Variants in KIF3A observed in about 807,000 individuals in gnomAD.
The protein encoded by KIF3A is kinesin family member 3A.
KIF3A carries 27 observed loss-of-function variants against 92.6 expected under a neutral mutation model. The ratio of observed to expected loss-of-function variants is 0.29; its 90% confidence interval spans 0.21 to 0.40. The LOEUF (loss-of-function observed/expected upper bound fraction) is 0.40, where lower values mean the gene tolerates loss of function less well. Among genes scored for constraint, KIF3A ranks in the 10% least tolerant of loss-of-function variants. The pLI is 1.00. For synonymous variants in KIF3A, 250 were observed against 275.4 expected, an observed-to-expected ratio of 0.91 and a Z score of 0.92; for missense variants, 581 against 872.6, an observed-to-expected ratio of 0.67 and a Z score of 4.21.
At chr5:132,721,571 T>A (rs1753825634) in intron 4 of KIF3A, 1 of 152,190 alleles carries the variant, frequency 6.6e-6, no homozygotes, top group Admixed American at 6.5e-5. Flanking sequence ...GTTATAAAGG[T>A]AGACACTCAA....
At chr5:132,715,723 C>A (rs1415113542) in intron 8 of KIF3A, 34 bp downstream of exon 8, 1 of 1,524,132 alleles carries the variant, frequency 6.6e-7, no homozygotes, top group Non-Finnish European at 9.0e-7. Context: ...TATTTTTAGC[C>A]AACATAAAGA....
chr5:132,713,954 T>C (rs1426810946), intron 8 of KIF3A, among the ~76,000 whole-genome samples: 1 of 139,260 alleles, frequency 7.2e-6, no homozygotes, highest in African/African-American at 2.7e-5. Context: ...TGGAGTGCAG[T>C]GGCATAATCT....
rs1315419771 is a variant in KIF3A, at chr5:132,702,096, C to T, written c.1875G>A (p.Arg625=). 6.2e-7 allele frequency: 1 copy of T among 1,608,334 alleles called. No individual in the cohort carries two copies. Among genetic ancestry groups the T allele is most frequent in the Non-Finnish European group, 8.5e-7 (1 of 1,176,112 alleles). ...QMLIIDNFIP[R]DYQEMIENYV... is the part of the protein sequence containing the mutation. ...AGAACTTCCTTTTTACCTGATAATC[C>T]CGAGGTATAAAGTTATCAATAATAA... Residue 625 remains arginine, a synonymous_variant, in exon 15 of 19, where the codon CGG becomes CGA. Transcript: ENST00000403231.
chr5:132,730,801 A>T (rs1341735959), intron 2 of KIF3A, among the ~76,000 whole-genome samples: 1 of 151,854 alleles, frequency 6.6e-6, no homozygotes, highest in Non-Finnish European at 1.5e-5. Context: ...TTCAAGAAAA[A>T]AATAATAATA....
In KIF3A at chr5:132,702,870, A is replaced by T; in HGVS notation, c.1647+15T>A. On this transcript the variant is annotated intron_variant, in intron 13 of 18. Coordinates refer to ENST00000403231, the MANE Select transcript of KIF3A (RefSeq NM_001300791.2). ...TCTGGCAAAATACCAAACTAAAAAC[A>T]GAAAGTCACATTACCTCTTTTTCCT... 6.2e-7 allele frequency: 1 copy of T among 1,608,972 alleles called. No homozygotes were observed. Among genetic ancestry groups the T allele is most frequent in the South Asian group, 1.1e-5 (1 of 89,680 alleles).
At chr5:132,731,183 C>T (rs1754216189) in intron 2 of KIF3A, among the ~76,000 whole-genome samples, 1 of 152,180 alleles carries the variant, frequency 6.6e-6, no homozygotes, top group Non-Finnish European at 1.5e-5. Context: ...TTCTATGAAA[C>T]TAGCATTATC....
At chr5:132,719,852 C>T (rs1308478484) in intron 5 of KIF3A, among the ~76,000 whole-genome samples, 1 of 152,114 alleles carries the variant, frequency 6.6e-6, no homozygotes, top group African/African-American at 2.4e-5. Flanking sequence ...TGTATAATAT[C>T]GCTGAAGCTT....
At chr5:132,724,807 A>AAAAAAAAT (rs1554107349) in intron 4 of KIF3A, among the ~76,000 whole-genome samples, 1 of 30,106 alleles carries the variant, frequency 3.3e-5, no homozygotes, top group Non-Finnish European at 6.6e-5. Context: ...AAAAAAAAAA[A>AAAAAAAAT]TATATATATA....
chr5:132,689,452 TAA>T (rs1752612338), downstream of KIF3A: 1 of 152,088 alleles, frequency 6.6e-6, no homozygotes. Context: ...CAGAGAAAAA[TAA>T]GACTATAAGC....
At chr5:132,720,563 C>A in intron 5 of KIF3A, 46 bp downstream of exon 5, 1 of 1,259,972 alleles carries the variant, frequency 7.9e-7, no homozygotes, top group Non-Finnish European at 1.1e-6. Context: ...CTAAACCAGC[C>A]TACTCAACAC....
chr5:132,716,372 GAA>G lies in KIF3A; in HGVS notation c.825_826del (p.Ser276ThrfsTer6). 6.2e-7 allele frequency: 1 copy of G among 1,614,028 alleles called. No individual in the cohort carries two copies. The highest frequency in any genetic ancestry group is 8.5e-7 in the Non-Finnish European group (1 of 1,179,918). On this transcript the variant is annotated frameshift_variant, in exon 7 of 19. Transcript: ENST00000403231. LOFTEE classifies it high-confidence loss of function. ...AATTACATTACCAAGGGTGGAAAGT[GAA>G]AGATTGATTTTTGTAGCTTCCTTTA...
chr5:132,699,326 T>C (rs1258778380), intron 17 of KIF3A, 31 bp from the exon 18 acceptor site: 1 of 1,606,374 alleles, frequency 6.2e-7, no homozygotes, highest in African/African-American at 1.3e-5. Context: ...CAAAGCACTC[T>C]TAAGGCAAAG....
At chr5:132,697,002 C>T (rs1752861179) in intron 18 of KIF3A, among the ~76,000 whole-genome samples, 1 of 152,194 alleles carries the variant, frequency 6.6e-6, no homozygotes, top group Admixed American at 6.5e-5. Context: ...TTTGAACTTC[C>T]TGATTATCTC....
At chr5:132,708,806 C>T (rs775193481) in intron 10 of KIF3A, 101 bp downstream of exon 10, 16 of 707,288 alleles carry the variant, frequency 2.3e-5, no homozygotes, top group Admixed American at 7.4e-5. Flanking sequence ...AACATGTATT[C>T]TTTAGGTAAT....
chr5:132,736,549 G>A (rs555116211), intron 1 of KIF3A, among the ~76,000 whole-genome samples: 3 of 152,302 alleles, frequency 2.0e-5, no homozygotes, highest in African/African-American at 7.2e-5. Flanking sequence ...TGTATCTTCA[G>A]GGCCTAGCAT....
chr5:132,726,238 CAA>C lies in KIF3A; in HGVS notation c.426-28_426-27del, dbSNP rs748332866. ...CTATAAAACATCATTTTTAAAAAGT[CAA>C]AGAGTGAAATATTCATAAGAACGGT... On this transcript the variant is annotated intron_variant, in intron 3 of 18. Coordinates refer to ENST00000403231, the MANE Select transcript of KIF3A (RefSeq NM_001300791.2). The C allele has an allele frequency of 1.6e-5, 25 of 1,588,334 alleles. No individual in the cohort carries two copies. In the East Asian group the frequency reaches 3.4e-4, roughly 21 times the overall value.
At chr5:132,715,728 T>C in intron 8 of KIF3A, 29 bp downstream of exon 8, 2 of 1,549,396 alleles carry the variant, frequency 1.3e-6, no homozygotes, top group Non-Finnish European at 1.8e-6. Context: ...TTAGCCAACA[T>C]AAAGATTAAT....
intron 18 of KIF3A, 52 bp downstream of exon 18, chr5:132,699,119 A>C: frequency 1.3e-6 from 2 of 1,538,060 alleles, no homozygotes; most frequent in Non-Finnish European, 1.8e-6. Context: ...ACATGTATCT[A>C]ATTAGAATAC....
chr5:132,705,077 A>G (rs1753164755), intron 11 of KIF3A, among the ~76,000 whole-genome samples: 1 of 151,980 alleles, frequency 6.6e-6, no homozygotes, highest in Non-Finnish European at 1.5e-5. Context: ...GCATTCCAAA[A>G]GTCAGGATGT....
Sources: allele counts gnomAD v4.1 joint callset (sites outside exome capture counted in the v4.1 genomes callset), GRCh38; gene constraint gnomAD v4.1.1; transcripts MANE v1.5; gene names NCBI Gene and HGNC (gene_info 2026-07-23, HGNC 2026-07-21).